Variants in LTBP1 observed in about 807,000 individuals in gnomAD.
The protein encoded by LTBP1 is latent transforming growth factor beta binding protein 1.
Under a neutral mutation model 207.6 loss-of-function variants are expected in LTBP1, and 129 were observed. That is an observed-to-expected ratio of 0.62 (90% CI 0.54 to 0.72). The LOEUF (loss-of-function observed/expected upper bound fraction) is 0.72, where lower values mean the gene tolerates loss of function less well. Ranked by LOEUF, LTBP1 falls within the 30% of genes least tolerant of loss-of-function variation. The pLI, the probability that LTBP1 is intolerant of heterozygous loss-of-function variation, is 0.00. For missense variants in LTBP1, 2,281 were observed against 2,217.2 expected (o/e 1.03, Z -0.58); for synonymous variants, 963 against 833.7 (o/e 1.16, Z -2.67).
At chr2:33,287,825 G>A (rs1254154127) in intron 19 of LTBP1, among the ~76,000 whole-genome samples, 4 of 152,234 alleles carry the variant, frequency 2.6e-5, no homozygotes, top group African/African-American at 9.6e-5. Flanking sequence ...GGGGGTGTGA[G>A]ATTCTGAGGA....
intron 31 of LTBP1, among the ~76,000 whole-genome samples, chr2:33,387,794 G>A (rs887332056): frequency 1.1e-4 from 16 of 150,722 alleles, no homozygotes; most frequent in Non-Finnish European, 2.9e-5. Context: ...CCAGGCAAAC[G>A]TGGCCATTGC....
At chr2:33,012,461 G>A (rs1687804674) in intron 2 of LTBP1, among the ~76,000 whole-genome samples, 1 of 152,186 alleles carries the variant, frequency 6.6e-6, no homozygotes, top group South Asian at 2.1e-4. Context: ...TATCCTTTAT[G>A]GTCCCTTGAA....
At chr2:33,013,657 A>G (rs1687971799) in intron 2 of LTBP1, among the ~76,000 whole-genome samples, 1 of 152,162 alleles carries the variant, frequency 6.6e-6, no homozygotes, top group South Asian at 2.1e-4. Flanking sequence ...GTTGTTTTGT[A>G]TTACAGGACT....
At chr2:33,021,353 G>A (rs1324687073) in intron 3 of LTBP1, 147 bp downstream of exon 3, 8 of 782,068 alleles carry the variant, frequency 1.0e-5, no homozygotes, top group Admixed American at 6.3e-5. Context: ...GGCTTTACAC[G>A]TTAGGCTTTA....
chr2:32,948,636 G>A (rs4952319), intron 1 of LTBP1, among the ~76,000 whole-genome samples: 41,343 of 152,106 alleles, frequency 0.27, 7,581 homozygotes, highest in East Asian at 0.96. Flanking sequence ...CTCCCTTCCT[G>A]TATAGCCCTA....
chr2:33,063,454 G>T (rs1174623851), intron 3 of LTBP1, among the ~76,000 whole-genome samples: 4 of 152,010 alleles, frequency 2.6e-5, no homozygotes, highest in Non-Finnish European at 4.4e-5. Flanking sequence ...AATGGTATTT[G>T]CAAAAGTGTA....
intron 3 of LTBP1, among the ~76,000 whole-genome samples, chr2:33,051,964 A>G (rs2076768231): frequency 6.6e-6 from 1 of 152,216 alleles, no homozygotes; most frequent in Non-Finnish European, 1.5e-5. Context: ...GGTTTGCACA[A>G]GCCATTTGAA....
intron 19 of LTBP1, among the ~76,000 whole-genome samples, chr2:33,288,809 C>T (rs1430178633): frequency 6.0e-5 from 9 of 149,468 alleles, no homozygotes; most frequent in Non-Finnish European, 1.2e-4. Context: ...GAGCCGAGAT[C>T]GCACCACTGC....
rs758010010 is a variant in LTBP1 at position 33,187,083 on chromosome 2, A to G, written c.1426+3A>G. 6.2e-7 allele frequency: 1 copy of G among 1,613,022 alleles called. No individual in the cohort carries two copies. The highest frequency in any genetic ancestry group is 8.5e-7 in the Non-Finnish European group (1 of 1,179,072). The stretch of plus-strand genomic sequence containing the variant: ...GACTAGCCAGCAAGGAGTCAAAGGT[A>G]AGCTTTTTTCATTCCGCCCATTTGC... On this transcript the variant is annotated splice_donor_region_variant and intron_variant, in intron 6 of 33. Coordinates refer to ENST00000404816, the MANE Select transcript of LTBP1 (RefSeq NM_206943.4).
intron 2 of LTBP1, among the ~76,000 whole-genome samples, chr2:33,010,372 G>A (rs1356624208): frequency 6.6e-6 from 1 of 152,166 alleles, no homozygotes; most frequent in Non-Finnish European, 1.5e-5. Flanking sequence ...AAGAGTGCAT[G>A]GGTGTGTGGG....
At position 33,332,628 on chromosome 2, in the gene LTBP1, C is replaced by T. The variant is rs1245555468; in HGVS notation, c.3731-10210C>T. ...CTGGAGTGCAGTGGTGCTATCTGGG[C>T]TCACTGCAAGCTCCACCTCCCGGGT... On this transcript the variant is annotated intron_variant, in intron 24 of 33. Coordinates refer to ENST00000404816, the MANE Select transcript of LTBP1 (RefSeq NM_206943.4). Among the ~76,000 whole-genome samples the T allele has an allele frequency of 7.9e-5, 12 of 151,358 alleles. No homozygotes were observed. The East Asian group carries it at 2.3e-3, about 29-fold the overall frequency.
intron 25 of LTBP1, among the ~76,000 whole-genome samples, chr2:33,343,774 T>C (rs904708303): frequency 6.6e-6 from 1 of 152,212 alleles, no homozygotes; most frequent in Non-Finnish European, 1.5e-5. Context: ...TCCTGGAATA[T>C]GGTCCAACAA....
chr2:33,137,504 G>T (rs1357471591), intron 5 of LTBP1, among the ~76,000 whole-genome samples: 1 of 152,198 alleles, frequency 6.6e-6, no homozygotes, highest in Non-Finnish European at 1.5e-5. Context: ...TCGTGTGAAA[G>T]CAGCCAGAGA....
intron 9 of LTBP1, among the ~76,000 whole-genome samples, chr2:33,222,383 G>T (rs1573270971): frequency 6.6e-6 from 1 of 152,338 alleles, no homozygotes; most frequent in Non-Finnish European, 1.5e-5. Flanking sequence ...AGTTTGGATA[G>T]AATTTAAAAG....
In LTBP1 at chr2:33,215,711, C is replaced by CTTTTTTTTTTTTTTTTTTTT. The variant is rs201936680; in HGVS notation, c.1702-1837_1702-1836insTTTTTTTTTTTTTTTTTTTT. ...TGGATGCTAAACTTCCATTGGTTTT[C>CTTTTTTTTTTTTTTTTTTTT]TTTTGTTTTTTGTTTTTTTTTTTTG... On this transcript the variant is annotated intron_variant, in intron 7 of 33. Coordinates refer to ENST00000404816, the MANE Select transcript of LTBP1 (RefSeq NM_206943.4). Among the ~76,000 whole-genome samples the CTTTTTTTTTTTTTTTTTTTT allele has an allele frequency of 4.8e-5, 6 of 125,998 alleles. 2 individuals carry two copies. The highest frequency in any genetic ancestry group is 5.0e-5 in the Non-Finnish European group (3 of 59,572). The allele number at this position is 125,998 out of a possible 152,430, so 82.7% of individuals were successfully genotyped here. A position where few individuals can be genotyped will look rare whatever the true frequency, so the allele number is the denominator to read the frequency against.
At chr2:33,157,057 T>C (rs1157058591) in intron 5 of LTBP1, among the ~76,000 whole-genome samples, 1 of 152,212 alleles carries the variant, frequency 6.6e-6, no homozygotes, top group East Asian at 1.9e-4. Context: ...GAGGTTTTGT[T>C]TGGACTCCAG....
At position 33,152,394 on chromosome 2, in the gene LTBP1, A is replaced by G. The variant is rs886993911; in HGVS notation, c.1201+17434A>G. On this transcript the variant is annotated intron_variant, in intron 5 of 33. Transcript: ENST00000404816. ...CCACCTCACGCCTGCAAGAATGACC[A>G]TAATTAAAAAATCAAAAAACAGTAG... 2.0e-5 allele frequency among the ~76,000 whole-genome samples: 3 copies of G among 152,208 alleles called. No homozygotes were observed. In the East Asian group the frequency reaches 5.8e-4, roughly 29 times the overall value.
intron 7 of LTBP1, among the ~76,000 whole-genome samples, chr2:33,197,272 G>A (rs2088670198): frequency 6.6e-6 from 1 of 152,194 alleles, no homozygotes; most frequent in Non-Finnish European, 1.5e-5. Flanking sequence ...TAGTTGGCCG[G>A]TCCTAATTTT....
At chr2:32,951,609 C>T (rs965469705) in intron 2 of LTBP1, among the ~76,000 whole-genome samples, 2 of 152,084 alleles carry the variant, frequency 1.3e-5, no homozygotes, top group African/African-American at 2.4e-5. Flanking sequence ...AGCTGTGTGG[C>T]CTCAGGGAGT....
Sources: gnomAD v4.1 joint callset for allele counts (sites outside exome capture counted in the v4.1 genomes callset) on GRCh38, gnomAD v4.1.1 for gene constraint, MANE v1.5 for transcripts, NCBI Gene and HGNC (gene_info 2026-07-23, HGNC 2026-07-21) for gene names.